ZBP1: variants seen among roughly 807,000 people sequenced by gnomAD.
The protein encoded by ZBP1 is Z-DNA-binding protein 1.
ZBP1 carries 42 observed loss-of-function variants against 41.1 expected under a neutral mutation model. The observed-to-expected ratio is 1.02, with a 90% CI of 0.80 to 1.32. The LOEUF (loss-of-function observed/expected upper bound fraction) is 1.32, where lower values mean the gene tolerates loss of function less well. ZBP1 is among the 40% of genes most tolerant of loss of function. The pLI, the probability that ZBP1 is intolerant of heterozygous loss-of-function variation, is 0.00. For synonymous variants in ZBP1, 214 were observed against 205.2 expected, an observed-to-expected ratio of 1.04 and a Z score of -0.37; for missense variants, 562 against 549.7, an observed-to-expected ratio of 1.02 and a Z score of -0.22.
rs771833463 is a variant in ZBP1, at chr20:57,620,397, G to A, written c.-102C>T. The A allele has an allele frequency of 1.0e-4, 140 of 1,342,134 alleles. No individual in the cohort carries two copies. The Middle Eastern group carries it at 1.9e-3, about 18-fold the overall frequency. The allele number at this position is 1,342,134 out of a possible 1,614,324, so 83.1% of individuals were successfully genotyped here. A position where few individuals can be genotyped will look rare whatever the true frequency, so the allele number is the denominator to read the frequency against. Reference sequence around the variant, plus strand: ...CTAGGTCGAGGCTGGGGCTTCTGAAGTGGCCGAGCCTGGTGCTTCTTGCAG... The same window carrying A: ...CTAGGTCGAGGCTGGGGCTTCTGAAATGGCCGAGCCTGGTGCTTCTTGCAG... On this transcript the variant is annotated 5_prime_UTR_variant, in exon 1 of 8. Coordinates refer to ENST00000371173, the MANE Select transcript of ZBP1 (RefSeq NM_030776.3).
intron 1 of ZBP1, chr20:57,616,743 G>A: frequency 2.0e-6 from 1 of 489,456 alleles, no homozygotes; most frequent in Non-Finnish European, 3.7e-6. Context: ...CCGGGTGTGG[G>A]TTCCAGAGGG....
rs375086963 is a variant in ZBP1 at position 57,604,559 on chromosome 20, C to G, written c.*14G>C. 6.2e-7 allele frequency: 1 copy of G among 1,610,560 alleles called. No homozygotes were observed. Among genetic ancestry groups the G allele is most frequent in the African/African-American group, 1.3e-5 (1 of 74,892 alleles). On this transcript the variant is annotated 3_prime_UTR_variant, in exon 8 of 8. Coordinates refer to ENST00000371173, the MANE Select transcript of ZBP1 (RefSeq NM_030776.3). The stretch of plus-strand genomic sequence containing the variant: ...ACCCCCAGCCTGTGTCCAAGCCCCA[C>G]GTGAGGCTGTGCACTAAATCCCACC...
At chr20:57,611,704 T>A in intron 6 of ZBP1, 23 bp downstream of exon 6, 1 of 1,597,298 alleles carries the variant, frequency 6.3e-7, no homozygotes, top group Non-Finnish European at 8.5e-7. Flanking sequence ...CAGAGTTGGG[T>A]CTGGCCTCTA....
rs745957868 is a variant in ZBP1 at position 57,616,346 on chromosome 20, T to C, written c.157A>G (p.Lys53Glu). The C allele has an allele frequency of 6.2e-7, 1 of 1,614,210 alleles. No homozygotes were observed. The highest frequency in any genetic ancestry group is 1.1e-5 in the South Asian group (1 of 91,084). Reference protein sequence around the residue: ...RELNQVLYRMKKELKVSLTSP... With the variant: ...RELNQVLYRMEKELKVSLTSP... ...GTGAGGGAGACTTTCAACTCCTTTT[T>C]CATTCGGTAGAGGACTTGGTTGAGC... The change falls in exon 2 of 8, where the codon AAA (lysine) becomes GAA (glutamate). Residue 53 changes from lysine (K) to glutamate (E), a missense_variant. By Grantham distance (56) the Lys-to-Glu change is moderately conservative (BLOSUM62 1). Transcript: ENST00000371173.
At chr20:57,607,298 C>A (rs1321403315) in intron 7 of ZBP1, 1 of 1,296,114 alleles carries the variant, frequency 7.7e-7, no homozygotes, top group African/African-American at 1.5e-5. Flanking sequence ...GTGAAGGCAG[C>A]AACTGCAAAT....
chr20:57,610,126 G>T lies in ZBP1; in HGVS notation c.1093+23C>A, dbSNP rs368381627. 6.2e-7 allele frequency: 1 copy of T among 1,603,148 alleles called. No homozygotes were observed. Among genetic ancestry groups the T allele is most frequent in the East Asian group, 2.2e-5 (1 of 44,758 alleles). On this transcript the variant is annotated intron_variant, in intron 7 of 7. Coordinates refer to ENST00000371173, the MANE Select transcript of ZBP1 (RefSeq NM_030776.3). The surrounding 1 kb of genome is among the most constrained non-coding windows in gnomAD (Gnocchi z 5.5). The stretch of plus-strand genomic sequence containing the variant: ...GGGGAGAGAGAGAGAACACACAGGG[G>T]TCCACTCTGCCCCCTAGCTCACCTG...
chr20:57,615,142 G>A (rs904780736), intron 3 of ZBP1, 82 bp from the exon 4 acceptor site: 2 of 1,475,026 alleles, frequency 1.4e-6, no homozygotes, highest in Admixed American at 1.9e-5. Context: ...GTGTGGCCCT[G>A]GACCCAGCCC....
chr20:57,618,387 T>G (rs1223966481), intron 1 of ZBP1, among the ~76,000 whole-genome samples: 2 of 152,184 alleles, frequency 1.3e-5, no homozygotes, highest in African/African-American at 4.8e-5. Flanking sequence ...TCACAGCACT[T>G]GTAGGGGAGG....
In ZBP1 at chr20:57,615,038, G is replaced by A; in HGVS notation, c.351C>T (p.Leu117=). The A allele has an allele frequency of 6.2e-7, 1 of 1,614,202 alleles. No homozygotes were observed. The highest frequency in any genetic ancestry group is 8.5e-7 in the Non-Finnish European group (1 of 1,180,040). The change falls in exon 4 of 8, where the codon CTC becomes CTT. Residue 117 remains leucine (L), a synonymous_variant. Transcript: ENST00000371173. Reference sequence around the variant, plus strand: ...GGGCCCTCTGGGGACCATTGTCTTTGAGAAACCTGTAGATGTCTTCCTCTG... The same window carrying A: ...GGGCCCTCTGGGGACCATTGTCTTTAAGAAACCTGTAGATGTCTTCCTCTG... ...QQREEDIYRF[L]KDNGPQRALV...
At chr20:57,609,990 C>A (rs1021953659) in intron 7 of ZBP1, among the ~76,000 whole-genome samples, 159 bp downstream of exon 7, 4 of 152,174 alleles carry the variant, frequency 2.6e-5, no homozygotes, top group African/African-American at 9.7e-5. Context: ...AGCCTCCACG[C>A]TGACTCTAGA....
intron 4 of ZBP1, among the ~76,000 whole-genome samples, chr20:57,614,431 C>T (rs918751203): frequency 1.3e-5 from 2 of 152,108 alleles, no homozygotes; most frequent in East Asian, 3.8e-4. Flanking sequence ...TGCCATGCAC[C>T]TATTGGATCT....
chr20:57,610,568 T>A lies in ZBP1; in HGVS notation c.875-201A>T, dbSNP rs2070636000. On this transcript the variant is annotated intron_variant, in intron 6 of 7. Coordinates refer to ENST00000371173, the MANE Select transcript of ZBP1 (RefSeq NM_030776.3). The surrounding 1 kb of genome is among the most constrained non-coding windows in gnomAD (Gnocchi z 5.5). ...GCTGTTGTGCTGTCTGGGAAGCGTC[T>A]TTCTGCTCCACTGATCCCGCAGTGG... 1 of 612,648 alleles carries A rather than the reference T, an allele frequency of 1.6e-6. No homozygotes were observed. The highest frequency in any genetic ancestry group is 2.9e-6 in the Non-Finnish European group (1 of 346,584). 38.0% of individuals were successfully genotyped at this position (612,648 alleles called of 1,614,324 possible). A position where few individuals can be genotyped will look rare whatever the true frequency, so the allele number is the denominator to read the frequency against.
intron 2 of ZBP1, 117 bp downstream of exon 2, chr20:57,616,127 A>T: frequency 1.1e-6 from 1 of 931,404 alleles, no homozygotes; most frequent in Non-Finnish European, 1.6e-6. Context: ...AGAGAGAGGA[A>T]ACCTGTGAGC....
In ZBP1 at chr20:57,611,768, G is replaced by T. The variant is rs149651971; in HGVS notation, c.833C>A (p.Pro278Gln). The T allele has an allele frequency of 6.2e-7, 1 of 1,612,308 alleles. No homozygotes were observed. Among genetic ancestry groups the T allele is most frequent in the African/African-American group, 1.3e-5 (1 of 74,906 alleles). ...GGGGATGTGGGCAGGGCCCTCGGAC[G>T]GGACGCCGTGGAGCCTCATCTCATT... ...HSNEMRLHGVPSEGPAHIPPG... is the reference protein window; with the variant it reads ...HSNEMRLHGVQSEGPAHIPPG... Residue 278 changes from proline to glutamine, a missense_variant, in exon 6 of 8, where the codon CCG (proline) becomes CAG (glutamine). Transcript: ENST00000371173.
In ZBP1 at chr20:57,611,742, G is replaced by A. The variant is rs199604547; in HGVS notation, c.859C>T (p.Pro287Ser). ...TCCCAGTTACCTGGGGGGCTGCCAG[G>A]GGGGATGTGGGCAGGGCCCTCGGAC... Reference protein sequence around the residue: ...VPSEGPAHIPPGSPPVSATAA... With the variant: ...VPSEGPAHIPSGSPPVSATAA... Residue 287 changes from proline (P) to serine (S), a missense_variant, in exon 6 of 8, where the codon CCT becomes TCT. By Grantham distance (74) the Pro-to-Ser change is moderately conservative. Coordinates refer to ENST00000371173, the MANE Select transcript of ZBP1 (RefSeq NM_030776.3). The A allele has an allele frequency of 1.9e-6, 3 of 1,610,654 alleles. No individual in the cohort carries two copies. The highest frequency in any genetic ancestry group is 2.2e-5 in the East Asian group (1 of 44,792).
rs1367497373 is a variant in ZBP1 at position 57,610,115 on chromosome 20, AAC to A, written c.1093+32_1093+33del. ...GAGTGGAAGGTGGGGAGAGAGAGAG[AAC>A]ACACAGGGGTCCACTCTGCCCCCTA... On this transcript the variant is annotated intron_variant, in intron 7 of 7. Transcript: ENST00000371173. This position sits in a 1 kb window ranked among gnomAD's most constrained non-coding sequence, Gnocchi z 5.5. 1.3e-6 allele frequency: 2 copies of A among 1,569,768 alleles called. No homozygotes were observed. Among genetic ancestry groups the A allele is most frequent in the East Asian group, 4.5e-5 (2 of 44,442 alleles).
intron 7 of ZBP1, chr20:57,607,015 C>A: frequency 7.9e-7 from 1 of 1,264,952 alleles, no homozygotes; most frequent in Non-Finnish European, 1.0e-6. Flanking sequence ...GCACAGCATC[C>A]ATTCTGCAGC....
chr20:57,604,861 T>TCGAAA, intron 7 of ZBP1, 92 bp from the exon 8 acceptor site: 1 of 1,258,264 alleles, frequency 7.9e-7, no homozygotes, highest in Non-Finnish European at 1.1e-6. Flanking sequence ...CGAGCTCAGC[T>TCGAAA]TGAGCCTTTG....
At position 57,613,112 on chromosome 20, in the gene ZBP1, C is replaced by A; in HGVS notation, c.670+51G>T. On this transcript the variant is annotated intron_variant, in intron 5 of 7. Transcript: ENST00000371173. This position sits in a 1 kb window ranked among gnomAD's most constrained non-coding sequence, Gnocchi z 4.5. ...TACCCTTTGCCCCCACCCAGAGGAT[C>A]CGGTGGCTCCCCACCGAGGTCCCCT... 1 of 1,609,504 alleles carries A rather than the reference C, an allele frequency of 6.2e-7. No individual in the cohort carries two copies. Among genetic ancestry groups the A allele is most frequent in the Non-Finnish European group, 8.5e-7 (1 of 1,177,568 alleles).
Sources: gnomAD v4.1 joint callset for allele counts (sites outside exome capture counted in the v4.1 genomes callset) on GRCh38, gnomAD v4.1.1 for gene constraint, Gnocchi (gnomAD v3.1) non-coding constraint, MANE v1.5 for transcripts, NCBI Gene and HGNC (gene_info 2026-07-23, HGNC 2026-07-21) for gene names.